Variants in MAP2K4 observed in about 807,000 individuals in gnomAD.
MAP2K4 encodes mitogen-activated protein kinase kinase 4.
Under a neutral mutation model 48.5 loss-of-function variants are expected in MAP2K4, and 4 were observed. The ratio of observed to expected loss-of-function variants is 0.08; its 90% confidence interval spans 0.04 to 0.19. The LOEUF is 0.19. Ranked by LOEUF, MAP2K4 falls within the 10% of genes least tolerant of loss-of-function variation. The probability of loss-of-function intolerance (pLI) is 1.00; values close to 1 mark genes in which losing one functional copy is unlikely to be tolerated. For missense variants in MAP2K4, 258 were observed against 493.3 expected (o/e 0.52, Z 4.52); for synonymous variants, 166 against 173.1 (o/e 0.96, Z 0.32).
At chr17:12,080,895 G>A (rs1390775541) in intron 2 of MAP2K4, among the ~76,000 whole-genome samples, 1 of 152,150 alleles carries the variant, frequency 6.6e-6, no homozygotes, top group Non-Finnish European at 1.5e-5. Flanking sequence ...CAAACCTTGG[G>A]AATAGTTGTA....
chr17:12,126,198 G>A (rs1386587774), intron 8 of MAP2K4, among the ~76,000 whole-genome samples: 1 of 151,960 alleles, frequency 6.6e-6, no homozygotes, highest in African/African-American at 2.4e-5. Flanking sequence ...AACCATATCA[G>A]ACAAGAACTA....
intron 1 of MAP2K4, among the ~76,000 whole-genome samples, chr17:12,044,495 T>C (rs1232071488): frequency 6.6e-6 from 1 of 152,220 alleles, no homozygotes; most frequent in Non-Finnish European, 1.5e-5. Flanking sequence ...CTTATAACAT[T>C]ATAAACTTGC....
intron 1 of MAP2K4, among the ~76,000 whole-genome samples, chr17:12,032,991 A>G (rs541288950): frequency 1.1e-4 from 16 of 152,266 alleles, no homozygotes; most frequent in Non-Finnish European, 1.8e-4. Context: ...GCATGCCACC[A>G]TGCCTGACTG....
intron 1 of MAP2K4, among the ~76,000 whole-genome samples, chr17:12,047,389 T>C (rs1970001430): frequency 6.6e-6 from 1 of 152,208 alleles, no homozygotes; most frequent in Non-Finnish European, 1.5e-5. Flanking sequence ...ACAGTGCCCC[T>C]ATGGGGAAGG....
In MAP2K4 at chr17:12,054,873, A is replaced by G. The variant is rs1365905235; in HGVS notation, c.116-16A>G. 1.9e-6 allele frequency: 3 copies of G among 1,560,838 alleles called. No individual in the cohort carries two copies. The highest frequency in any genetic ancestry group is 4.5e-5 in the East Asian group (2 of 44,410). ...GTAGTACTTGAAACTTTTACTTTTT[A>G]TTTGTTATTTCTCAGGTAAACGCAA... is the stretch of plus-strand genomic sequence containing the variant. On this transcript the variant is annotated splice_polypyrimidine_tract_variant and intron_variant, in intron 1 of 10. Transcript: ENST00000353533.
At position 12,096,780 on chromosome 17, in the gene MAP2K4, G is replaced by A. The variant is rs28923201; in HGVS notation, c.513+1086G>A. Reference sequence around the variant, plus strand: ...TAATTGGAAACAATGTTAGAGGTTAGTTAATTCTAAACCTAATTCTGAAGT... The same window carrying A: ...TAATTGGAAACAATGTTAGAGGTTAATTAATTCTAAACCTAATTCTGAAGT... On this transcript the variant is annotated intron_variant, in intron 4 of 10. Coordinates refer to ENST00000353533, the MANE Select transcript of MAP2K4 (RefSeq NM_003010.4). Among the ~76,000 whole-genome samples, 132 of 152,262 alleles carry A rather than the reference G, an allele frequency of 8.7e-4. No homozygotes were observed. The Middle Eastern group carries it at 0.01, about 12-fold the overall frequency.
chr17:12,110,157 G>A (rs957964772), intron 5 of MAP2K4, among the ~76,000 whole-genome samples: 27 of 151,072 alleles, frequency 1.8e-4, no homozygotes, highest in African/African-American at 6.3e-4. Flanking sequence ...TGGGTTTTTT[G>A]TTTGTTTGAG....
chr17:12,036,758 T>C (rs1453475040), intron 1 of MAP2K4: 1 of 152,090 alleles, frequency 6.6e-6, no homozygotes, highest in Non-Finnish European at 1.5e-5. Context: ...TCTTTGGGCA[T>C]AGGAATTTTC....
chr17:12,116,829 T>A (rs947766197), intron 7 of MAP2K4, among the ~76,000 whole-genome samples: 1 of 152,156 alleles, frequency 6.6e-6, no homozygotes, highest in South Asian at 2.1e-4. Context: ...AACTTTTTTT[T>A]AAATAAGTAG....
At chr17:12,140,006 G>GT (rs1162703724) in intron 10 of MAP2K4, 122 bp downstream of exon 10, 6 of 591,702 alleles carry the variant, frequency 1.0e-5, no homozygotes, top group African/African-American at 1.9e-5. Flanking sequence ...TTTATTGAGT[G>GT]TTTTTTGTTA....
At chr17:12,030,745 A>G (rs187718697) in intron 1 of MAP2K4, among the ~76,000 whole-genome samples, 2 of 152,052 alleles carry the variant, frequency 1.3e-5, no homozygotes, top group East Asian at 1.9e-4. Context: ...CCATATTACT[A>G]TTTTGTTCAC....
At chr17:12,099,245 T>C (rs1425142449) in intron 4 of MAP2K4, among the ~76,000 whole-genome samples, 1 of 152,182 alleles carries the variant, frequency 6.6e-6, no homozygotes, top group Non-Finnish European at 1.5e-5. Context: ...CATTCTTTTT[T>C]TAATGGCTGT....
intron 4 of MAP2K4, among the ~76,000 whole-genome samples, chr17:12,106,382 G>A (rs1567662999): frequency 3.3e-5 from 5 of 152,180 alleles, no homozygotes; most frequent in East Asian, 1.9e-4. Flanking sequence ...AATTTACTAC[G>A]TCAAATATGC....
intron 6 of MAP2K4, among the ~76,000 whole-genome samples, chr17:12,112,826 A>G (rs1972349074): frequency 6.6e-6 from 1 of 152,170 alleles, no homozygotes; most frequent in African/African-American, 2.4e-5. Flanking sequence ...TTTAATGCCT[A>G]AATTTCTTGT....
At chr17:12,090,914 G>C (rs569573748) in intron 3 of MAP2K4, among the ~76,000 whole-genome samples, 1 of 152,058 alleles carries the variant, frequency 6.6e-6, no homozygotes, top group Non-Finnish European at 1.5e-5. Flanking sequence ...ATGTGTCATA[G>C]TCTGCTTTAA....
At position 12,093,559 on chromosome 17, in the gene MAP2K4, C is replaced by G. The variant is rs190849425; in HGVS notation, c.394-2016C>G. Among the ~76,000 whole-genome samples, 290 of 152,184 alleles carry G rather than the reference C, an allele frequency of 1.9e-3. 1 individual carries two copies. Among genetic ancestry groups the G allele is most frequent in the African/African-American group, 6.7e-3 (278 of 41,526 alleles). Reference sequence around the variant, plus strand: ...ATGTGTATTTAGCATACCACACAACCAGTTTTGTGAAACAAAAGATAAACT... The same window carrying G: ...ATGTGTATTTAGCATACCACACAACGAGTTTTGTGAAACAAAAGATAAACT... On this transcript the variant is annotated intron_variant, in intron 3 of 10. Coordinates refer to ENST00000353533, the MANE Select transcript of MAP2K4 (RefSeq NM_003010.4).
In MAP2K4 at chr17:12,139,575, T is replaced by TAATTTA. The variant is rs1973311543; in HGVS notation, c.1041-263_1041-258dup. The stretch of plus-strand genomic sequence containing the variant: ...TGTAGTATTCTGTGTAGCTATGCCA[T>TAATTTA]AATTTAGTCAATTTTCAAGAATTAA... On this transcript the variant is annotated intron_variant, in intron 9 of 10. Coordinates refer to ENST00000353533, the MANE Select transcript of MAP2K4 (RefSeq NM_003010.4). 4.6e-5 allele frequency among the ~76,000 whole-genome samples: 7 copies of TAATTTA among 152,334 alleles called. No homozygotes were observed. In the South Asian group the frequency reaches 1.4e-3, roughly 32 times the overall value.
At chr17:12,026,569 G>A (rs1226708454) in intron 1 of MAP2K4, among the ~76,000 whole-genome samples, 1 of 152,154 alleles carries the variant, frequency 6.6e-6, no homozygotes, top group Admixed American at 6.5e-5. Flanking sequence ...TAGATGAGGG[G>A]GTAGACGTTT....
intron 1 of MAP2K4, among the ~76,000 whole-genome samples, chr17:12,040,876 G>A (rs996165188): frequency 1.3e-5 from 2 of 152,192 alleles, no homozygotes; most frequent in African/African-American, 4.8e-5. Flanking sequence ...TTCTTAACCA[G>A]CTTTCCTTTT....
Sources: gnomAD v4.1 joint callset for allele counts (sites outside exome capture counted in the v4.1 genomes callset) on GRCh38, gnomAD v4.1.1 for gene constraint, MANE v1.5 for transcripts, NCBI Gene and HGNC (gene_info 2026-07-23, HGNC 2026-07-21) for gene names.